Variants in GLTP observed in about 807,000 individuals in gnomAD.
The protein encoded by GLTP is glycolipid transfer protein.
Under a neutral mutation model 24.0 loss-of-function variants are expected in GLTP, and 22 were observed. That is an observed-to-expected ratio of 0.92 (90% CI 0.65 to 1.31). The LOEUF (loss-of-function observed/expected upper bound fraction) is 1.31. Among genes scored for constraint, GLTP ranks in the 50% most tolerant of loss-of-function variants. The pLI is 0.00. For synonymous variants in GLTP, 92 were observed against 115.9 expected, an observed-to-expected ratio of 0.79 and a Z score of 1.33; for missense variants, 224 against 276.6, an observed-to-expected ratio of 0.81 and a Z score of 1.35.
intron 1 of GLTP, among the ~76,000 whole-genome samples, chr12:109,869,268 C>T (rs1868637291): frequency 8.7e-6 from 1 of 114,512 alleles, no homozygotes; most frequent in African/African-American, 3.5e-5. Context: ...TGCGCCACTG[C>T]AATCCAGCCT....
chr12:109,860,024 G>C (rs971600282), intron 1 of GLTP: 7 of 151,258 alleles, frequency 4.6e-5, no homozygotes, highest in Non-Finnish European at 7.4e-5. Flanking sequence ...CCTTGCCCAA[G>C]CTGGAGTGCA....
At chr12:109,869,283 G>A (rs1176060689) in intron 1 of GLTP, among the ~76,000 whole-genome samples, 1 of 113,822 alleles carries the variant, frequency 8.8e-6, no homozygotes, top group Admixed American at 1.3e-4. Context: ...CAGCCTGGGC[G>A]ACAGAGTAAG....
intron 1 of GLTP, among the ~76,000 whole-genome samples, chr12:109,871,995 G>C (rs1435920353): frequency 6.6e-6 from 1 of 152,170 alleles, no homozygotes; most frequent in Non-Finnish European, 1.5e-5. Context: ...CTCAATCCTC[G>C]TCCTTCTGGC....
At chr12:109,876,798 G>T (rs1379360996) in intron 1 of GLTP, among the ~76,000 whole-genome samples, 1 of 152,016 alleles carries the variant, frequency 6.6e-6, no homozygotes, top group African/African-American at 2.4e-5. Flanking sequence ...TTTGAGACAG[G>T]GTCTCACTCT....
intron 1 of GLTP, among the ~76,000 whole-genome samples, chr12:109,872,108 G>A (rs1049934046): frequency 2.0e-5 from 3 of 152,224 alleles, no homozygotes; most frequent in African/African-American, 7.2e-5. Flanking sequence ...GGGTGCCACT[G>A]GTCTGTATGT....
At chr12:109,865,322 A>G (rs987317238) in intron 1 of GLTP, among the ~76,000 whole-genome samples, 1 of 151,918 alleles carries the variant, frequency 6.6e-6, no homozygotes, top group Non-Finnish European at 1.5e-5. Flanking sequence ...TCTTCTTCTT[A>G]TTTTTTAATA....
chr12:109,863,922 G>A (rs1238804031), intron 1 of GLTP, among the ~76,000 whole-genome samples: 1 of 152,194 alleles, frequency 6.6e-6, no homozygotes, highest in Non-Finnish European at 1.5e-5. Context: ...TTTCAGAGAT[G>A]CAGAAAAATG....
In GLTP at chr12:109,852,384, A is replaced by C. The variant is rs1399410192; in HGVS notation, c.*171T>G. 2 of 546,972 alleles carry C rather than the reference A, an allele frequency of 3.7e-6. No individual in the cohort carries two copies. Among genetic ancestry groups the C allele is most frequent in the African/African-American group, 3.9e-5 (2 of 51,914 alleles). 33.9% of individuals were successfully genotyped at this position (546,972 alleles called of 1,614,324 possible). On this transcript the variant is annotated 3_prime_UTR_variant, in exon 5 of 5. Coordinates refer to ENST00000318348, the MANE Select transcript of GLTP (RefSeq NM_016433.4). ...CCTTTAGAATAGACCAAAAAAAAAA[A>C]AAAAAAAGACTTAAAAAACGAGGGC...
At chr12:109,858,084 G>A (rs1892822751) in intron 2 of GLTP, 1 of 457,064 alleles carries the variant, frequency 2.2e-6, no homozygotes, top group Non-Finnish European at 4.4e-6. Context: ...CAGGAACGAA[G>A]GCCTCTGAGA....
intron 1 of GLTP, among the ~76,000 whole-genome samples, chr12:109,871,609 C>T (rs931560236): frequency 3.3e-5 from 5 of 152,196 alleles, no homozygotes; most frequent in African/African-American, 1.2e-4. Flanking sequence ...GATCAAATCG[C>T]TTCACCTCCC....
chr12:109,857,718 C>T lies in GLTP; in HGVS notation c.163-59G>A, dbSNP rs1481408472. The stretch of plus-strand genomic sequence containing the variant: ...AAGCTGCCCCCATAGACATCTGGCC[C>T]GCACGCTGGGTGAAAAGCACCCTAC... On this transcript the variant is annotated intron_variant, in intron 2 of 4. Coordinates refer to ENST00000318348, the MANE Select transcript of GLTP (RefSeq NM_016433.4). This position sits in a 1 kb window ranked among gnomAD's most constrained non-coding sequence, Gnocchi z 4.3. The T allele has an allele frequency of 1.5e-5, 24 of 1,591,004 alleles. No homozygotes were observed. Among genetic ancestry groups the T allele is most frequent in the East Asian group, 2.2e-5 (1 of 44,776 alleles).
intron 1 of GLTP, among the ~76,000 whole-genome samples, chr12:109,864,304 G>A (rs1348867549): frequency 6.6e-6 from 1 of 152,248 alleles, no homozygotes; most frequent in South Asian, 2.1e-4. Context: ...CAAGCACGCT[G>A]AAGTGGGTTT....
intron 1 of GLTP, among the ~76,000 whole-genome samples, chr12:109,862,660 G>A (rs185129101): frequency 6.2e-4 from 94 of 152,292 alleles, no homozygotes; most frequent in South Asian, 1.2e-3. Context: ...AGAGGTGGGA[G>A]GATCGTTCAA....
intron 2 of GLTP, chr12:109,858,247 A>C: frequency 2.2e-6 from 1 of 458,058 alleles, no homozygotes; most frequent in Non-Finnish European, 4.4e-6. Context: ...GGGATGAAGA[A>C]ATGAGATCAT....
chr12:109,872,545 G>A (rs1167894178), intron 1 of GLTP, among the ~76,000 whole-genome samples: 1 of 152,092 alleles, frequency 6.6e-6, no homozygotes, highest in Non-Finnish European at 1.5e-5. Flanking sequence ...ACACAATAGG[G>A]CCCTCCATAG....
At chr12:109,861,439 T>G (rs1868369346) in intron 1 of GLTP, among the ~76,000 whole-genome samples, 1 of 152,098 alleles carries the variant, frequency 6.6e-6, no homozygotes, top group African/African-American at 2.4e-5. Flanking sequence ...TTCATATGCT[T>G]CTTTAAGAAA....
chr12:109,851,591 G>C lies in GLTP; in HGVS notation c.*964C>G, dbSNP rs73417534. On this transcript the variant is annotated 3_prime_UTR_variant, in exon 5 of 5. Transcript: ENST00000318348. The stretch of plus-strand genomic sequence containing the variant: ...TACAGCGAGAGCCTCATAAGGTCAC[G>C]TGCTTTTTTTTCTTTTTTTTCTTTT... 1 of 151,932 alleles carries C rather than the reference G, an allele frequency of 6.6e-6. No individual in the cohort carries two copies. Among genetic ancestry groups the C allele is most frequent in the Non-Finnish European group, 1.5e-5 (1 of 67,980 alleles). The allele number at this position is 151,932 out of a possible 1,614,324, so 9.4% of individuals were successfully genotyped here. A position where few individuals can be genotyped will look rare whatever the true frequency, so the allele number is the denominator to read the frequency against.
chr12:109,871,723 G>A (rs1868727499), intron 1 of GLTP, among the ~76,000 whole-genome samples: 1 of 152,244 alleles, frequency 6.6e-6, no homozygotes. Context: ...TATCCTGGGA[G>A]CCACTCAAAA....
chr12:109,877,888 C>G (rs939893980), intron 1 of GLTP, among the ~76,000 whole-genome samples: 4 of 152,304 alleles, frequency 2.6e-5, no homozygotes, highest in South Asian at 2.1e-4. Flanking sequence ...CTCCTCCCCC[C>G]ACAGAAGAGA....
Sources: gnomAD v4.1 joint callset for allele counts (sites outside exome capture counted in the v4.1 genomes callset) on GRCh38, gnomAD v4.1.1 for gene constraint, Gnocchi (gnomAD v3.1) non-coding constraint, MANE v1.5 for transcripts, NCBI Gene and HGNC (gene_info 2026-07-23, HGNC 2026-07-21) for gene names.